SEMA5A: variants seen among roughly 807,000 people sequenced by gnomAD.
The protein encoded by SEMA5A is semaphorin 5A.
In SEMA5A, 55 loss-of-function variants were observed where a neutral mutation model predicts 135.5. The ratio of observed to expected loss-of-function variants is 0.41; its 90% CI spans 0.33 to 0.51. The LOEUF is 0.51. SEMA5A is among the 20% of genes least tolerant of loss of function. The pLI is 0.37. For synonymous variants in SEMA5A, 580 were observed against 546.5 expected, an observed-to-expected ratio of 1.06 and a Z score of -0.85; for missense variants, 1,290 against 1,419.9, an observed-to-expected ratio of 0.91 and a Z score of 1.47.
At chr5:9,301,328 C>T (rs529864677) in intron 5 of SEMA5A, among the ~76,000 whole-genome samples, 4 of 152,196 alleles carry the variant, frequency 2.6e-5, no homozygotes, top group African/African-American at 9.6e-5. Context: ...AAATGTGCAA[C>T]GTCATTGAAA....
At chr5:9,311,499 A>C (rs147273078) in intron 5 of SEMA5A, among the ~76,000 whole-genome samples, 14,171 of 151,256 alleles carry the variant, frequency 0.094, 1,598 homozygotes, top group African/African-American at 0.27. Flanking sequence ...AAGGACAAAA[A>C]AACAAACACC....
At chr5:9,332,763 C>T (rs1753211434) in intron 4 of SEMA5A, among the ~76,000 whole-genome samples, 1 of 152,252 alleles carries the variant, frequency 6.6e-6, no homozygotes, top group South Asian at 2.1e-4. Flanking sequence ...CTTTTGTTCC[C>T]TTGGTGACTT....
At position 9,489,971 on chromosome 5, in the gene SEMA5A, A is replaced by T. The variant is rs117108821; in HGVS notation, c.-174-52119T>A. 2.6e-5 allele frequency among the ~76,000 whole-genome samples: 4 copies of T among 152,326 alleles called. No individual in the cohort carries two copies. The South Asian group carries it at 8.3e-4, about 32-fold the overall frequency. On this transcript the variant is annotated intron_variant, in intron 1 of 22. Coordinates refer to ENST00000382496, the MANE Select transcript of SEMA5A (RefSeq NM_003966.3). The stretch of plus-strand genomic sequence containing the variant: ...CTTGCTATGTGATTTTGCAGAAGAC[A>T]TGGAAGTTGGCAGGCTAGCTGAAAT...
At chr5:9,162,413 T>A (rs1743309346) in intron 11 of SEMA5A, among the ~76,000 whole-genome samples, 2 of 107,906 alleles carry the variant, frequency 1.9e-5, no homozygotes, top group South Asian at 5.5e-4. Flanking sequence ...TGTATATATA[T>A]GTGTGTGTAT....
intron 8 of SEMA5A, among the ~76,000 whole-genome samples, chr5:9,221,597 T>C (rs143888603): frequency 0.047 from 7,087 of 151,904 alleles, 171 homozygotes; most frequent in Non-Finnish European, 0.05. Context: ...CCACCGCGCC[T>C]GGCCCCCCGA....
At chr5:9,320,075 C>T (rs1177877663) in intron 4 of SEMA5A, among the ~76,000 whole-genome samples, 1 of 152,174 alleles carries the variant, frequency 6.6e-6, no homozygotes, top group African/African-American at 2.4e-5. Flanking sequence ...GGCATTGCCT[C>T]CTGGGCATTC....
chr5:9,450,226 T>A (rs910791636), intron 1 of SEMA5A, among the ~76,000 whole-genome samples: 16 of 152,114 alleles, frequency 1.1e-4, no homozygotes. Flanking sequence ...ATGAACACAG[T>A]CAAGTGGGGA....
At chr5:9,388,977 T>C (rs1249410455) in intron 2 of SEMA5A, among the ~76,000 whole-genome samples, 2 of 152,020 alleles carry the variant, frequency 1.3e-5, no homozygotes, top group South Asian at 2.1e-4. Context: ...ATGTGGAGTC[T>C]ATGCCAACAC....
At chr5:9,166,045 T>A (rs975458545) in intron 11 of SEMA5A, among the ~76,000 whole-genome samples, 1 of 152,192 alleles carries the variant, frequency 6.6e-6, no homozygotes, top group African/African-American at 2.4e-5. Flanking sequence ...ATTCAACTAA[T>A]GGCTTATTTT....
chr5:9,077,424 A>G lies in SEMA5A; in HGVS notation c.2074-10778T>C, dbSNP rs572142968. Among the ~76,000 whole-genome samples, 21 of 152,338 alleles carry G rather than the reference A, an allele frequency of 1.4e-4. No individual in the cohort carries two copies. The South Asian group carries it at 2.3e-3, about 17-fold the overall frequency. On this transcript the variant is annotated intron_variant, in intron 16 of 22. Coordinates refer to ENST00000382496, the MANE Select transcript of SEMA5A (RefSeq NM_003966.3). ...TTTCTTTCCACTACTCTTACTAGTCATAGAATCACAATAAAATGCAATAGA... is the reference window on the plus strand; with the variant it reads ...TTTCTTTCCACTACTCTTACTAGTCGTAGAATCACAATAAAATGCAATAGA...
In SEMA5A at chr5:9,197,256, A is replaced by G; in HGVS notation, c.980T>C (p.Ile327Thr). 6.2e-7 allele frequency: 1 copy of G among 1,614,174 alleles called. No individual in the cohort carries two copies. Among genetic ancestry groups the G allele is most frequent in the Non-Finnish European group, 8.5e-7 (1 of 1,180,038 alleles). Reference sequence around the variant, plus strand: ...GAAGGGCCCAGAGAAGGCCTGCGCGATGGCGCTCAGGTTGAAGACGCACAC... The same window carrying G: ...GAAGGGCCCAGAGAAGGCCTGCGCGGTGGCGCTCAGGTTGAAGACGCACAC... The part of the protein sequence containing the change: ...SAVCVFNLSA[I>T]AQAFSGPFKY... The change falls in exon 10 of 23, where the codon ATC (isoleucine) becomes ACC (threonine). Residue 327 changes from isoleucine (I) to threonine (T), a missense_variant. Around this residue, in one of 3 missense-constraint regions of SEMA5A, gnomAD observed 1,029 missense variants for 1,086.6 expected, o/e 0.95. Coordinates refer to ENST00000382496, the MANE Select transcript of SEMA5A (RefSeq NM_003966.3).
chr5:9,069,852 ATGTGAAAAGCCAGGCACAACGCGTG>A (rs1242470186), intron 16 of SEMA5A, among the ~76,000 whole-genome samples: 2 of 152,196 alleles, frequency 1.3e-5, no homozygotes, highest in African/African-American at 4.8e-5. Context: ...AAACCCAGTC[ATGTGAAAAGCCAGGCACAACGCGTG>A]TGTGATCTCT....
At chr5:9,136,444 C>T (rs1741752380) in intron 13 of SEMA5A, 60 bp downstream of exon 13, 6 of 1,420,120 alleles carry the variant, frequency 4.2e-6, no homozygotes, top group South Asian at 3.5e-5. Context: ...CTGAGGATCG[C>T]CAGGGGAGCA....
chr5:9,042,872 CAAG>C lies in SEMA5A; in HGVS notation c.*22_*24del. The C allele has an allele frequency of 6.2e-7, 1 of 1,613,400 alleles. No homozygotes were observed. The highest frequency in any genetic ancestry group is 2.2e-5 in the East Asian group (1 of 44,862). ...CAGGCCTTGAGGAACTGGGGATTTACAAGAAGCCAAAAACATGAAAGCTGTTAG... is the reference window on the plus strand; with the variant it reads ...CAGGCCTTGAGGAACTGGGGATTTACAAGCCAAAAACATGAAAGCTGTTAG... On this transcript the variant is annotated 3_prime_UTR_variant, in exon 23 of 23. Transcript: ENST00000382496.
intron 1 of SEMA5A, among the ~76,000 whole-genome samples, chr5:9,454,684 C>T (rs888133805): frequency 2.0e-5 from 3 of 152,198 alleles, no homozygotes; most frequent in African/African-American, 7.2e-5. Context: ...AAAGCCCTCA[C>T]TTTATTGCTT....
At chr5:9,418,312 G>A (rs1371698747) in intron 2 of SEMA5A, among the ~76,000 whole-genome samples, 1 of 152,054 alleles carries the variant, frequency 6.6e-6, no homozygotes, top group Non-Finnish European at 1.5e-5. Flanking sequence ...ATCCCATCAT[G>A]AGTGCTCCAC....
At chr5:9,473,422 T>C (rs1249339059) in intron 1 of SEMA5A, among the ~76,000 whole-genome samples, 2 of 91,364 alleles carry the variant, frequency 2.2e-5, no homozygotes, top group African/African-American at 8.4e-5. Flanking sequence ...AACCAACCAA[T>C]AAGCCCATGT....
In SEMA5A at chr5:9,463,072, A is replaced by T. The variant is rs373369263; in HGVS notation, c.-174-25220T>A. On this transcript the variant is annotated intron_variant, in intron 1 of 22. Transcript: ENST00000382496. ...GTGGATGCTTAAAAAAAGAAAAAAG[A>T]AAAGAACAATAAGGATGCAACTTGC... is the stretch of plus-strand genomic sequence containing the variant. Among the ~76,000 whole-genome samples, 6 of 152,286 alleles carry T rather than the reference A, an allele frequency of 3.9e-5. No individual in the cohort carries two copies. In the South Asian group the frequency reaches 1.2e-3, roughly 32 times the overall value.
At chr5:9,263,231 A>G (rs1174876750) in intron 5 of SEMA5A, among the ~76,000 whole-genome samples, 2 of 152,182 alleles carry the variant, frequency 1.3e-5, no homozygotes, top group Non-Finnish European at 2.9e-5. Flanking sequence ...CCTCCAGGTC[A>G]TCTAAGTCAG....
Sources: gnomAD v4.1 joint callset for allele counts (sites outside exome capture counted in the v4.1 genomes callset) on GRCh38, gnomAD v4.1.1 for gene constraint, gnomAD v4.1.1 regional missense constraint, MANE v1.5 for transcripts, NCBI Gene and HGNC (gene_info 2026-07-23, HGNC 2026-07-21) for gene names.